DMD: variants seen among roughly 807,000 people sequenced by gnomAD.
DMD encodes dystrophin, also known as mutant dystrophin.
DMD carries 63 observed loss-of-function variants against 330.1 expected under a neutral mutation model. The ratio of observed to expected loss-of-function variants is 0.19; its 90% CI spans 0.16 to 0.24. The LOEUF (loss-of-function observed/expected upper bound fraction) is 0.24, where lower values mean the gene tolerates loss of function less well. Among genes scored for constraint, DMD ranks in the 10% least tolerant of loss-of-function variants. DMD has a pLI of 1.00. For synonymous variants in DMD, 1,223 were observed against 959.8 expected (o/e 1.27, Z -5.07); for missense variants, 3,344 against 2,684.1 (o/e 1.25, Z -5.43).
chrX:32,500,238 T>A (rs2043917574), intron 19 of DMD, among the ~76,000 whole-genome samples: 1 of 111,288 alleles, frequency 9.0e-6, no homozygotes, highest in Non-Finnish European at 1.9e-5. Context: ...AACGACTGCC[T>A]TAATTTTGCT....
intron 9 of DMD, among the ~76,000 whole-genome samples, chrX:32,686,578 A>AG (rs1556919372): frequency 6.2e-4 from 65 of 105,627 alleles, no homozygotes; most frequent in African/African-American, 1.5e-3. Context: ...AAAAAAAAAA[A>AG]AAAAGAAAAG....
At chrX:31,638,309 C>T (rs2079531449) in intron 54 of DMD, among the ~76,000 whole-genome samples, 1 of 111,496 alleles carries the variant, frequency 9.0e-6, no homozygotes, top group Admixed American at 9.6e-5. Context: ...ACCCAAAATA[C>T]TCCTGCCCTC....
At chrX:31,345,005 T>C (rs1244970157) in intron 61 of DMD, among the ~76,000 whole-genome samples, 1 of 111,532 alleles carries the variant, frequency 9.0e-6, no homozygotes, top group African/African-American at 3.3e-5. Flanking sequence ...TTTTTCTTGA[T>C]GTGTATAGAG....
In DMD at chrX:31,337,156, C is replaced by T. The variant is rs186460465; in HGVS notation, c.9163+11400G>A. ...GCCAGGTTGGTCTCCAACTCCTGAC[C>T]TCGTGATCCGCCCGCCTCAGCCTCC... On this transcript the variant is annotated intron_variant, in intron 61 of 78. Coordinates refer to ENST00000357033, the MANE Select transcript of DMD (RefSeq NM_004006.3). Among the ~76,000 whole-genome samples, 563 of 109,940 alleles carry T rather than the reference C, an allele frequency of 5.1e-3. 4 individuals carry two copies. The highest frequency in any genetic ancestry group is 0.018 in the African/African-American group (533 of 30,245).
intron 4 of DMD, among the ~76,000 whole-genome samples, chrX:32,841,544 C>A (rs1393668386): frequency 9.0e-6 from 1 of 111,323 alleles, no homozygotes; most frequent in Non-Finnish European, 1.9e-5. Context: ...AAAAACAGAC[C>A]CACATATGTA....
At chrX:33,241,735 T>C (rs1472534130) in intron 1 of DMD, among the ~76,000 whole-genome samples, 3 of 111,688 alleles carry the variant, frequency 2.7e-5, no homozygotes, top group African/African-American at 9.8e-5. Context: ...GTCTTTCACT[T>C]CTTTGGTTAA....
chrX:32,726,661 G>A (rs2066917788), intron 7 of DMD, among the ~76,000 whole-genome samples: 1 of 110,616 alleles, frequency 9.0e-6, no homozygotes, highest in African/African-American at 3.3e-5. Context: ...GCAGTTATAA[G>A]GACTGCATGG....
rs749096770 is a variant in DMD at position 32,783,269 on chromosome X, TG to T, written c.649+26223del. 5.2e-3 allele frequency among the ~76,000 whole-genome samples: 499 copies of T among 95,212 alleles called. 2 individuals carry two copies. Among genetic ancestry groups the T allele is most frequent in the African/African-American group, 0.017 (473 of 27,794 alleles). The allele number at this position is 95,212 out of a possible 115,157, so 82.7% of individuals were successfully genotyped here. The stretch of plus-strand genomic sequence containing the variant: ...GTGTATATACGTATATACACATATA[TG>T]GTATATATACACCATATATACACAC... On this transcript the variant is annotated intron_variant, in intron 7 of 78. Transcript: ENST00000357033.
At chrX:32,366,891 T>A (rs1028506) in intron 34 of DMD, among the ~76,000 whole-genome samples, 46,767 of 111,329 alleles carry the variant, frequency 0.42, 7,464 homozygotes, top group East Asian at 0.72. Context: ...AAAACATGCC[T>A]GAAATTAAGG....
At chrX:31,255,909 G>T (rs1323629125) in intron 63 of DMD, among the ~76,000 whole-genome samples, 2 of 107,977 alleles carry the variant, frequency 1.9e-5, no homozygotes, top group East Asian at 5.8e-4. Flanking sequence ...TTGAGTAGCT[G>T]GGATTACAGG....
At chrX:32,658,865 G>C (rs1407358158) in intron 9 of DMD, among the ~76,000 whole-genome samples, 1 of 111,863 alleles carries the variant, frequency 8.9e-6, no homozygotes, top group Non-Finnish European at 1.9e-5. Context: ...TCAAATTCAG[G>C]TTCTGGAATT....
intron 2 of DMD, among the ~76,000 whole-genome samples, chrX:32,977,644 T>C (rs1275758854): frequency 9.0e-6 from 1 of 111,398 alleles, no homozygotes; most frequent in East Asian, 2.8e-4. Flanking sequence ...AAAAACATGG[T>C]GTTTGACCCT....
chrX:32,725,924 AG>A, intron 7 of DMD, among the ~76,000 whole-genome samples: 1 of 111,159 alleles, frequency 9.0e-6, no homozygotes, highest in Admixed American at 9.6e-5. Context: ...CCTTTATCAA[AG>A]TATCTCATGT....
chrX:32,383,490 C>T (rs1403576246), intron 33 of DMD, among the ~76,000 whole-genome samples: 1 of 110,989 alleles, frequency 9.0e-6, no homozygotes, highest in Non-Finnish European at 1.9e-5. Flanking sequence ...AAAATCCAGA[C>T]AATATTTTTA....
rs190012610 is a variant in DMD, at chrX:33,123,417, T to C, written c.31+87865A>G. On this transcript the variant is annotated intron_variant, in intron 1 of 78. Transcript: ENST00000357033. ...AGTCTCAAATGAGTTTTTGTTCTACTTTCTTTTGTTTTTTTTTGAGACAGA... is the reference window on the plus strand; with the variant it reads ...AGTCTCAAATGAGTTTTTGTTCTACCTTCTTTTGTTTTTTTTTGAGACAGA... Among the ~76,000 whole-genome samples the C allele has an allele frequency of 5.7e-4, 62 of 108,025 alleles. 1 individual carries two copies. In the East Asian group the frequency reaches 0.016, roughly 27 times the overall value. 93.8% of individuals were successfully genotyped at this position (108,025 alleles called of 115,157 possible). A position where few individuals can be genotyped will look rare whatever the true frequency, so the allele number is the denominator to read the frequency against.
intron 12 of DMD, among the ~76,000 whole-genome samples, chrX:32,598,391 G>A (rs1425165123): frequency 9.0e-6 from 1 of 111,294 alleles, no homozygotes; most frequent in Non-Finnish European, 1.9e-5. Context: ...AGACAGGACT[G>A]GGAACATTTT....
intron 11 of DMD, among the ~76,000 whole-genome samples, chrX:32,623,389 T>C (rs2058125524): frequency 9.0e-6 from 1 of 111,645 alleles, no homozygotes; most frequent in South Asian, 3.8e-4. Flanking sequence ...ATGGTTTAAA[T>C]AAAGGGGTGA....
At chrX:33,294,523 A>G (rs2053557939) in intron 1 of DMD, among the ~76,000 whole-genome samples, 1 of 111,413 alleles carries the variant, frequency 9.0e-6, no homozygotes, top group African/African-American at 3.3e-5. Flanking sequence ...AAATGAACTC[A>G]TATAAGTAAC....
At chrX:32,490,748 G>T (rs1444953145) in intron 20 of DMD, among the ~76,000 whole-genome samples, 1 of 111,584 alleles carries the variant, frequency 9.0e-6, no homozygotes, top group Admixed American at 9.6e-5. Context: ...TACACTATCC[G>T]GTGTGGTTCC....
Sources: gnomAD v4.1 joint callset for allele counts (sites outside exome capture counted in the v4.1 genomes callset) on GRCh38, gnomAD v4.1.1 for gene constraint, MANE v1.5 for transcripts, NCBI Gene and HGNC (gene_info 2026-07-23, HGNC 2026-07-21) for gene names.